Variants in CAST observed in about 807,000 individuals in gnomAD.
CAST encodes the protein calpastatin.
CAST carries 76 observed loss-of-function variants against 119.6 expected under a neutral mutation model. The ratio of observed to expected loss-of-function variants is 0.64; its 90% CI spans 0.53 to 0.77. The LOEUF (loss-of-function observed/expected upper bound fraction) is 0.77, where lower values mean the gene tolerates loss of function less well. Ranked by LOEUF, CAST falls within the 30% of genes least tolerant of loss-of-function variation. The pLI is 0.00. For synonymous variants in CAST, 319 were observed against 331.6 expected (o/e 0.96, Z 0.41); for missense variants, 953 against 946.5 (o/e 1.01, Z -0.09).
intron 1 of CAST, among the ~76,000 whole-genome samples, chr5:96,599,026 G>A (rs1473065417): frequency 6.6e-6 from 1 of 152,186 alleles, no homozygotes; most frequent in African/African-American, 2.4e-5. Context: ...TCCAGCTTCT[G>A]ACCGTGGATC....
chr5:96,198,808 C>A, the CAST span, among the ~76,000 whole-genome samples: 1 of 152,120 alleles, frequency 6.6e-6, no homozygotes, highest in African/African-American at 2.4e-5. Flanking sequence ...GGATACAGTT[C>A]TCTCCAGGGG....
chr5:96,763,755 A>G (rs1283431119), intron 25 of CAST, among the ~76,000 whole-genome samples: 2 of 152,226 alleles, frequency 1.3e-5, no homozygotes, highest in African/African-American at 4.8e-5. Flanking sequence ...ACAGTGTTAC[A>G]TACACTGAAA....
chr5:96,586,219 A>G (rs1746857037), intron 1 of CAST, among the ~76,000 whole-genome samples: 1 of 152,240 alleles, frequency 6.6e-6, no homozygotes, highest in African/African-American at 2.4e-5. Context: ...TTGAGGGTCA[A>G]TAAGGTGAAA....
chr5:96,714,291 T>C (rs1423079903), intron 3 of CAST, among the ~76,000 whole-genome samples: 3 of 152,230 alleles, frequency 2.0e-5, no homozygotes, highest in African/African-American at 7.2e-5. Context: ...CCAGAGCTCA[T>C]GCTCTTAACC....
At chr5:96,336,217 C>T in the CAST span, among the ~76,000 whole-genome samples, 3 of 152,168 alleles carry the variant, frequency 2.0e-5, no homozygotes, top group Admixed American at 6.5e-5. Flanking sequence ...AACTCTCAAC[C>T]GGCAGTAGTT....
the CAST span, among the ~76,000 whole-genome samples, chr5:96,164,942 C>T: frequency 1.3e-5 from 2 of 151,896 alleles, no homozygotes; most frequent in African/African-American, 4.8e-5. Flanking sequence ...GAGAAGGCAG[C>T]CTTGGTAGTG....
chr5:96,381,712 G>C, the CAST span, among the ~76,000 whole-genome samples: 33 of 152,192 alleles, frequency 2.2e-4, no homozygotes, highest in Non-Finnish European at 7.3e-5. Context: ...TAGGGGAGCT[G>C]TTTGCTTTGC....
the CAST span, among the ~76,000 whole-genome samples, chr5:96,127,035 T>G: frequency 3.9e-5 from 6 of 152,126 alleles, no homozygotes; most frequent in Non-Finnish European, 8.8e-5. Flanking sequence ...GATCCAAATC[T>G]TCGTTGGCAA....
the CAST span, among the ~76,000 whole-genome samples, chr5:96,334,138 T>C: frequency 1.3e-5 from 2 of 152,160 alleles, no homozygotes; most frequent in Admixed American, 6.5e-5. Flanking sequence ...TAGCACAGTT[T>C]TGTTGTTGTT....
rs1019381736 is a variant in CAST at position 96,662,434 on chromosome 5, C to T, written c.12C>T (p.Pro4=). MSQ[P]GQKPAASPRP... ...GCAGCGGCCTCGCCATGTCCCAGCC[C>T]GGCCAGAAGCCCGCCGCCTCCCCGC... The change falls in exon 1 of 32, where the codon CCC becomes CCT. Residue 4 remains proline, a synonymous_variant. Coordinates refer to ENST00000675179, the MANE Select transcript of CAST (RefSeq NM_001750.7). 1.6e-4 allele frequency: 233 copies of T among 1,443,796 alleles called. No individual in the cohort carries two copies. The highest frequency in any genetic ancestry group is 2.0e-4 in the Non-Finnish European group (221 of 1,103,814). 89.4% of individuals were successfully genotyped at this position (1,443,796 alleles called of 1,614,324 possible). A position where few individuals can be genotyped will look rare whatever the true frequency, so the allele number is the denominator to read the frequency against.
chr5:96,575,472 G>C lies in CAST; in HGVS notation c.60+45592G>C, dbSNP rs138637903. Among the ~76,000 whole-genome samples the C allele has an allele frequency of 2.0e-5, 3 of 152,106 alleles. No homozygotes were observed. In the East Asian group the frequency reaches 5.8e-4, roughly 29 times the overall value. ...TGGACAGAATGAACATCCTTGCCTT[G>C]TTACCGATCTTGGGGGAAAAGCGTT... On this transcript the variant is annotated intron_variant, in intron 1 of 11. Coordinates refer to the CAST transcript ENST00000505143.
the CAST span, among the ~76,000 whole-genome samples, chr5:95,978,634 A>C: frequency 6.6e-6 from 1 of 152,108 alleles, no homozygotes; most frequent in Non-Finnish European, 1.5e-5. Flanking sequence ...TCCTGTGCAG[A>C]AGCTCTTTAA....
chr5:96,464,311 G>C, the CAST span, among the ~76,000 whole-genome samples: 1 of 151,962 alleles, frequency 6.6e-6, no homozygotes, highest in South Asian at 2.1e-4. Flanking sequence ...CTATTACTCA[G>C]GAACTCCTTT....
chr5:96,084,173 T>TATA, the CAST span, among the ~76,000 whole-genome samples: 298 of 152,160 alleles, frequency 2.0e-3, 1 homozygote, highest in African/African-American at 6.4e-3. Context: ...TTGGAAATCT[T>TATA]ATAATAATAA....
intron 1 of CAST, among the ~76,000 whole-genome samples, chr5:96,558,681 A>G (rs1351079986): frequency 6.6e-6 from 1 of 152,246 alleles, no homozygotes; most frequent in African/African-American, 2.4e-5. Flanking sequence ...GTCTGAATAC[A>G]TCAATGATTG....
chr5:95,968,692 A>G, the CAST span, among the ~76,000 whole-genome samples: 1 of 152,122 alleles, frequency 6.6e-6, no homozygotes, highest in Non-Finnish European at 1.5e-5. Context: ...GCCCTAGCTG[A>G]TTTCATTGTA....
intron 1 of CAST, among the ~76,000 whole-genome samples, chr5:96,534,714 G>GGAGAGAGAGAGAGAGA (rs1233360638): frequency 1.4e-4 from 2 of 13,966 alleles, no homozygotes; most frequent in Non-Finnish European, 3.4e-4. Flanking sequence ...AAGGAAGGAA[G>GGAGAGAGAGAGAGAGA]GAGAGAGAGA....
At chr5:96,487,232 A>G in the CAST span, among the ~76,000 whole-genome samples, 1 of 152,232 alleles carries the variant, frequency 6.6e-6, no homozygotes, top group Non-Finnish European at 1.5e-5. Flanking sequence ...GTGTTTAAAA[A>G]TACAACAGAG....
the CAST span, among the ~76,000 whole-genome samples, chr5:96,197,247 AT>A: frequency 3.3e-3 from 507 of 151,640 alleles, 3 homozygotes; most frequent in African/African-American, 0.012. Context: ...CCATTCCCTT[AT>A]TTTTTCCCAC....
Sources: allele counts gnomAD v4.1 joint callset (sites outside exome capture counted in the v4.1 genomes callset), GRCh38; gene constraint gnomAD v4.1.1; transcripts MANE v1.5; gene names NCBI Gene and HGNC (gene_info 2026-07-23, HGNC 2026-07-21).